Variants in BAG6 observed in about 807,000 individuals in gnomAD.
BAG6 encodes large proline-rich protein BAG6.
In BAG6, 22 loss-of-function variants were observed where a neutral mutation model predicts 121.0. The observed-to-expected ratio is 0.18, with a 90% confidence interval of 0.13 to 0.26. The LOEUF (loss-of-function observed/expected upper bound fraction) is 0.26. Among genes scored for constraint, BAG6 ranks in the 10% least tolerant of loss-of-function variants. The probability of loss-of-function intolerance (pLI) is 1.00; values close to 1 mark genes in which losing one functional copy is unlikely to be tolerated. For synonymous variants in BAG6, 583 were observed against 584.6 expected (o/e 1.00, Z 0.04); for missense variants, 1,233 against 1,537.7 (o/e 0.80, Z 3.31).
At chr6:31,643,226 G>A in intron 14 of BAG6, 111 bp from the exon 15 acceptor site, 1 of 1,106,122 alleles carries the variant, frequency 9.0e-7, no homozygotes, top group East Asian at 2.6e-5. Flanking sequence ...AGGAGTCTAG[G>A]CCACATAGCA....
At position 31,642,085 on chromosome 6, in the gene BAG6, G is replaced by A. The variant is rs1471052828; in HGVS notation, c.2335+27C>T. On this transcript the variant is annotated intron_variant, in intron 16 of 25. Coordinates refer to ENST00000676615, the MANE Select transcript of BAG6 (RefSeq NM_001387994.1). The stretch of plus-strand genomic sequence containing the variant: ...ATTCCTCTGGCTGCCCCTTCCTGGA[G>A]CAAGCCAAAGCATCCTTTTTGCTCA... 3.1e-6 allele frequency: 5 copies of A among 1,605,190 alleles called. No homozygotes were observed. In the South Asian group the frequency reaches 4.4e-5, roughly 14 times the overall value.
At chr6:31,643,746 A>AAAAAAAC (rs1785512420) in intron 14 of BAG6, 144 bp downstream of exon 14, 2 of 571,064 alleles carry the variant, frequency 3.5e-6, no homozygotes, top group East Asian at 6.5e-5. Flanking sequence ...AAAAAAAAAA[A>AAAAAAAC]GCTGAAACCT....
At position 31,640,224 on chromosome 6, in the gene BAG6, C is replaced by G; in HGVS notation, c.3221G>C (p.Ser1074Thr). 1 of 1,614,212 alleles carries G rather than the reference C, an allele frequency of 6.2e-7. No homozygotes were observed. The part of the protein sequence containing the change: ...PQPPLSDAYL[S>T]GMPAKRRKTM... ...CTTGCGTCTCTTGGCAGGCATACCA[C>G]TGAGGTAGGCATCACTCAGAGGGGG... The change falls in exon 24 of 26, where the codon AGT (serine) becomes ACT (threonine). Residue 1074 changes from serine to threonine, a missense_variant. Coordinates refer to ENST00000676615, the MANE Select transcript of BAG6 (RefSeq NM_001387994.1). The surrounding 1 kb of genome is among the most constrained non-coding windows in gnomAD (Gnocchi z 4.2).
At position 31,642,096 on chromosome 6, in the gene BAG6, C is replaced by G; in HGVS notation, c.2335+16G>C. The G allele has an allele frequency of 1.2e-6, 2 of 1,608,090 alleles. No individual in the cohort carries two copies. The highest frequency in any genetic ancestry group is 1.7e-6 in the Non-Finnish European group (2 of 1,176,358). On this transcript the variant is annotated intron_variant, in intron 16 of 25. Coordinates refer to ENST00000676615, the MANE Select transcript of BAG6 (RefSeq NM_001387994.1). ...TGCCCCTTCCTGGAGCAAGCCAAAGCATCCTTTTTGCTCACCAAGGGCCCC... is the reference window on the plus strand; with the variant it reads ...TGCCCCTTCCTGGAGCAAGCCAAAGGATCCTTTTTGCTCACCAAGGGCCCC...
rs1435137001 is a variant in BAG6 at position 31,642,118 on chromosome 6, C to T, written c.2329G>A (p.Ala777Thr). The T allele has an allele frequency of 1.9e-6, 3 of 1,611,868 alleles. No homozygotes were observed. Among genetic ancestry groups the T allele is most frequent in the Non-Finnish European group, 2.5e-6 (3 of 1,179,152 alleles). Residue 777 changes from alanine to threonine, a missense_variant, in exon 16 of 26, where the codon GCC becomes ACC. Transcript: ENST00000676615. The part of the protein sequence containing the change: ...SNIFEPGADG[A>T]LGFFGALLSL... ...AAGCATCCTTTTTGCTCACCAAGGGCCCCATCAGCTCCAGGCTCAAAGATG... is the reference window on the plus strand; with the variant it reads ...AAGCATCCTTTTTGCTCACCAAGGGTCCCATCAGCTCCAGGCTCAAAGATG...
intron 1 of BAG6, 104 bp downstream of exon 1, chr6:31,652,320 A>AACACACACACACACACACACAC (rs879204976): frequency 1.6e-5 from 2 of 121,714 alleles, no homozygotes; most frequent in East Asian, 2.5e-4. Flanking sequence ...CCCACAGCCA[A>AACACACACACACACACACACAC]ACACACACAC....
In BAG6 at chr6:31,640,861, T is replaced by C; in HGVS notation, c.2865A>G (p.Val955=). The part of the protein sequence containing the change: ...TTMMGLRLQV[V]LEHMPVGPDA... The stretch of plus-strand genomic sequence containing the variant: ...CAGGGCCTACAGGCATGTGCTCCAG[T>C]ACCACCTGAAGCCTCAGTCCCATCA... The change falls in exon 21 of 26, where the codon GTA becomes GTG. Residue 955 remains valine (V), a synonymous_variant. Transcript: ENST00000676615. This position sits in a 1 kb window ranked among gnomAD's most constrained non-coding sequence, Gnocchi z 4.2. 6.2e-7 allele frequency: 1 copy of C among 1,612,636 alleles called. No homozygotes were observed. The highest frequency in any genetic ancestry group is 1.1e-5 in the South Asian group (1 of 91,070).
intron 8 of BAG6, 47 bp from the exon 9 acceptor site, chr6:31,645,651 G>C: frequency 1.9e-6 from 3 of 1,595,140 alleles, no homozygotes; most frequent in Non-Finnish European, 2.6e-6. Flanking sequence ...TATCAAGCTG[G>C]AGTCCATCTC....
chr6:31,647,454 C>T, intron 7 of BAG6, 137 bp downstream of exon 7: 2 of 1,280,938 alleles, frequency 1.6e-6, no homozygotes, highest in Non-Finnish European at 1.1e-6. Context: ...CCGAGAGAGC[C>T]CCTCCTCGCC....
chr6:31,644,101 G>A lies in BAG6; in HGVS notation c.1649C>T (p.Pro550Leu). Residue 550 changes from proline to leucine, a missense_variant, in exon 13 of 26, where the codon CCC becomes CTC. Coordinates refer to ENST00000676615, the MANE Select transcript of BAG6 (RefSeq NM_001387994.1). The surrounding 1 kb of genome is among the most constrained non-coding windows in gnomAD (Gnocchi z 4.9). Reference protein sequence around the residue: ...PQARPSHPGGPPVSGTLQGAG... With the variant: ...PQARPSHPGGLPVSGTLQGAG... ...GCTCACCAGTGTCCCAGAGACTGGG[G>A]GCCCTCCAGGATGGGAAGGCCGAGC... 1 of 1,613,900 alleles carries A rather than the reference G, an allele frequency of 6.2e-7. No individual in the cohort carries two copies. The highest frequency in any genetic ancestry group is 8.5e-7 in the Non-Finnish European group (1 of 1,179,878).
intron 6 of BAG6, among the ~76,000 whole-genome samples, chr6:31,648,174 C>T (rs988785576): frequency 6.6e-6 from 1 of 152,078 alleles, no homozygotes; most frequent in Non-Finnish European, 1.5e-5. Flanking sequence ...TGCCACCACA[C>T]CCAACTAATT....
Position 31,648,696 on chromosome 6 carries a change from G to A in BAG6, c.533C>T (p.Thr178Ile). The A allele has an allele frequency of 1.2e-6, 2 of 1,613,978 alleles. No individual in the cohort carries two copies. The highest frequency in any genetic ancestry group is 1.7e-6 in the Non-Finnish European group (2 of 1,179,996). Residue 178 changes from threonine to isoleucine, a missense_variant, in exon 6 of 26, where the codon ACC becomes ATC. Thr to Ile is a moderately conservative substitution (Grantham distance 89, BLOSUM62 -1). This residue lies in a region of BAG6 where 777 missense variants were observed against 861.4 expected (regional missense o/e 0.90). Coordinates refer to ENST00000676615, the MANE Select transcript of BAG6 (RefSeq NM_001387994.1). Reference protein sequence around the residue: ...MAQHMIRDIQTLLSRMECRGG... With the variant: ...MAQHMIRDIQILLSRMECRGG... Reference sequence around the variant, plus strand: ...ACTTACCTCCATCCGGGATAGTAAGGTCTGTATATCCCTGATCATGTGCTG... The same window carrying A: ...ACTTACCTCCATCCGGGATAGTAAGATCTGTATATCCCTGATCATGTGCTG...
At chr6:31,643,630 AG>A (rs1785221646) in intron 14 of BAG6, among the ~76,000 whole-genome samples, 1 of 147,034 alleles carries the variant, frequency 6.8e-6, no homozygotes, top group African/African-American at 2.5e-5. Context: ...AGGCTGAGGC[AG>A]GAGAATCACT....
At chr6:31,651,169 G>A (rs902179818) in intron 2 of BAG6, among the ~76,000 whole-genome samples, 4 of 152,202 alleles carry the variant, frequency 2.6e-5, no homozygotes, top group Non-Finnish European at 5.9e-5. Flanking sequence ...TCCATGTGGA[G>A]GACAGAACAA....
In BAG6 at chr6:31,641,312, C is replaced by T. The variant is rs374720969; in HGVS notation, c.2662+8G>A. Reference sequence around the variant, plus strand: ...GCCCCACTTGCCCCCGCCTGGCCAGCCCCTGACCTGTGCAATGCAGCACAT... The same window carrying T: ...GCCCCACTTGCCCCCGCCTGGCCAGTCCCTGACCTGTGCAATGCAGCACAT... On this transcript the variant is annotated splice_region_variant and intron_variant, in intron 19 of 25. Coordinates refer to ENST00000676615, the MANE Select transcript of BAG6 (RefSeq NM_001387994.1). This position sits in a 1 kb window ranked among gnomAD's most constrained non-coding sequence, Gnocchi z 5.7. The T allele has an allele frequency of 2.4e-5, 38 of 1,614,132 alleles. No homozygotes were observed. Among genetic ancestry groups the T allele is most frequent in the Non-Finnish European group, 3.1e-5 (36 of 1,179,980 alleles).
Position 31,641,142 on chromosome 6 carries a change from G to C in BAG6, c.2749C>G (p.Gln917Glu). Residue 917 changes from glutamine to glutamate, a missense_variant, in exon 20 of 26, where the codon CAG becomes GAG. This residue lies in a region of BAG6 where 288 missense variants were observed against 483.1 expected (regional missense o/e 0.60). Coordinates refer to ENST00000676615, the MANE Select transcript of BAG6 (RefSeq NM_001387994.1). The surrounding 1 kb of genome is among the most constrained non-coding windows in gnomAD (Gnocchi z 5.7). ...LALNLHCLGG[Q>E]QMELAAVING... ...ATAACAGCAGCAAGCTCCATCTGCTGTCCCCCCAAGCAGTGCAGGTTTAGG... is the reference window on the plus strand; with the variant it reads ...ATAACAGCAGCAAGCTCCATCTGCTCTCCCCCCAAGCAGTGCAGGTTTAGG... 6.2e-7 allele frequency: 1 copy of C among 1,613,270 alleles called. No homozygotes were observed. The highest frequency in any genetic ancestry group is 8.5e-7 in the Non-Finnish European group (1 of 1,179,982).
At position 31,639,222 on chromosome 6, in the gene BAG6, C is replaced by A. The variant is rs201834523; in HGVS notation, c.3398G>T (p.Arg1133Leu). The A allele has an allele frequency of 1.9e-6, 3 of 1,612,796 alleles. No individual in the cohort carries two copies. The highest frequency in any genetic ancestry group is 2.5e-6 in the Non-Finnish European group (3 of 1,179,470). ...CTGCAGTCGTTTTTGTATATCAGAC[C>A]GGAGCTAAAGAGAAAAAGTAAGCAG... ...EVQESYRQQL[R>L]SDIQKRLQED... Residue 1133 changes from arginine (R) to leucine (L), a missense_variant, in exon 26 of 26, where the codon CGG (arginine) becomes CTG (leucine). Arg to Leu is a moderately radical substitution (Grantham distance 102). Around this residue, in one of 7 missense-constraint regions of BAG6, gnomAD observed 102 missense variants for 103.2 expected, o/e 0.99. Transcript: ENST00000676615.
In BAG6 at chr6:31,641,004, A is replaced by G; in HGVS notation, c.2788-66T>C. 3 of 1,598,816 alleles carry G rather than the reference A, an allele frequency of 1.9e-6. No homozygotes were observed. The highest frequency in any genetic ancestry group is 2.6e-6 in the Non-Finnish European group (3 of 1,172,580). The stretch of plus-strand genomic sequence containing the variant: ...CCACCTTTAGAAATAGATTAGATCC[A>G]GGTTACAGAATGTCAGTTTAGAAAA... On this transcript the variant is annotated intron_variant, in intron 20 of 25. Transcript: ENST00000676615. This position sits in a 1 kb window ranked among gnomAD's most constrained non-coding sequence, Gnocchi z 5.7.
rs376898536 is a variant in BAG6, at chr6:31,649,317, G to A, written c.305C>T (p.Thr102Met). ...ACCATGAGTGGCTGAGGCAGACCCC[G>A]TCCCAGAAGATGCCCCAGAAGGGAG... Reference protein sequence around the residue: ...THLPSGASSGTGSASATHGGG... With the variant: ...THLPSGASSGMGSASATHGGG... The change falls in exon 4 of 26, where the codon ACG becomes ATG. Residue 102 changes from threonine to methionine, a missense_variant. Physicochemically the swap from Thr to Met is moderately conservative, Grantham distance 81 (BLOSUM62 -1). Transcript: ENST00000676615. The A allele has an allele frequency of 2.7e-5, 43 of 1,613,166 alleles. No individual in the cohort carries two copies. Among genetic ancestry groups the A allele is most frequent in the South Asian group, 2.0e-4 (18 of 91,044 alleles).
Sources: gnomAD v4.1 joint callset for allele counts (sites outside exome capture counted in the v4.1 genomes callset) on GRCh38, gnomAD v4.1.1 for gene constraint, gnomAD v4.1.1 regional missense constraint, Gnocchi (gnomAD v3.1) non-coding constraint, MANE v1.5 for transcripts, NCBI Gene and HGNC (gene_info 2026-07-23, HGNC 2026-07-21) for gene names.